The following RMP24 variants were observed in gnomAD, a reference collection of about 807,000 sequenced individuals.
The protein encoded by RMP24 is ribonuclease MRP subunit p24, also known as ribonuclease MRP protein subunit p24.
the RMP24 span, chr18:35,974,798 TA>T: frequency 3.6e-6 from 4 of 1,112,478 alleles, no homozygotes; most frequent in Non-Finnish European, 5.2e-6. Context: ...TGTATCTGCT[TA>T]TATTAAATTT....
At chr18:35,974,919 A>G in the RMP24 span, 1 of 1,613,884 alleles carries the variant, frequency 6.2e-7, no homozygotes, top group South Asian at 1.1e-5. Flanking sequence ...TTTTGAAGAA[A>G]CGTGTCCATA....
At chr18:35,972,765 G>T in the RMP24 span, 16 of 1,613,844 alleles carry the variant, frequency 9.9e-6, no homozygotes, top group African/African-American at 1.3e-5. Flanking sequence ...TGCAGCGCGG[G>T]GACTGCACGA....
chr18:35,976,170 G>A, the RMP24 span, among the ~76,000 whole-genome samples: 71 of 77,004 alleles, frequency 9.2e-4, no homozygotes, highest in Admixed American at 3.5e-3. Context: ...TTTTTTTTGA[G>A]ACGGAGTCTC....
the RMP24 span, chr18:35,978,891 C>G: frequency 6.2e-7 from 1 of 1,613,108 alleles, no homozygotes; most frequent in Non-Finnish European, 8.5e-7. Flanking sequence ...ACCAGCAAAA[C>G]AAAGAAACAC....
the RMP24 span, chr18:35,978,808 A>G: frequency 4.3e-5 from 67 of 1,556,982 alleles, no homozygotes; most frequent in Non-Finnish European, 5.5e-5. Context: ...TGTTGGTATA[A>G]CTAAGTGTGG....
chr18:35,978,072 A>G, the RMP24 span, among the ~76,000 whole-genome samples: 3 of 152,222 alleles, frequency 2.0e-5, no homozygotes, highest in Admixed American at 1.3e-4. Flanking sequence ...CTTTTTCTCC[A>G]TAGTGCTGCT....
the RMP24 span, chr18:35,973,182 T>C: frequency 3.2e-5 from 18 of 570,316 alleles, no homozygotes; most frequent in Non-Finnish European, 4.4e-5. Flanking sequence ...TTATTACTTC[T>C]CGATTTGCTT....
chr18:35,974,522 CAA>C, the RMP24 span, among the ~76,000 whole-genome samples: 1 of 152,158 alleles, frequency 6.6e-6, no homozygotes, highest in African/African-American at 2.4e-5. Flanking sequence ...AAAAAAGAAA[CAA>C]AATCGCAGTG....
At chr18:35,974,916 G>C in the RMP24 span, 1 of 1,613,322 alleles carries the variant, frequency 6.2e-7, no homozygotes, top group South Asian at 1.1e-5. Context: ...CACTTTTGAA[G>C]AAACGTGTCC....
the RMP24 span, chr18:35,979,040 G>A: frequency 2.6e-6 from 4 of 1,524,032 alleles, no homozygotes; most frequent in African/African-American, 1.4e-5. Flanking sequence ...AACTAAAGTT[G>A]GTAAAACAAC....
the RMP24 span, chr18:35,974,972 C>G: frequency 1.2e-6 from 2 of 1,614,120 alleles, no homozygotes. Flanking sequence ...GAGTGCGTCT[C>G]AAACCCAAAG....
chr18:35,978,684 C>A, the RMP24 span: 1 of 634,960 alleles, frequency 1.6e-6, no homozygotes, highest in Non-Finnish European at 2.5e-6. Context: ...TTTTCTCTGT[C>A]AGAAATTCCT....
At chr18:35,975,206 T>G in the RMP24 span, 1 of 850,392 alleles carries the variant, frequency 1.2e-6, no homozygotes, top group Non-Finnish European at 1.8e-6. Context: ...AGTAGTATAT[T>G]TGGATTATCA....
chr18:35,978,963 T>A, the RMP24 span: 2 of 1,611,066 alleles, frequency 1.2e-6, no homozygotes, highest in Non-Finnish European at 8.5e-7. Flanking sequence ...AAGGTGGACT[T>A]CAGAAATTTC....
At chr18:35,975,138 C>A in the RMP24 span, 1 of 1,526,280 alleles carries the variant, frequency 6.6e-7, no homozygotes, top group Non-Finnish European at 8.9e-7. Context: ...CTAGAATTTT[C>A]TTTTCTTTCA....
chr18:35,972,868 C>T, the RMP24 span: 279 of 1,614,174 alleles, frequency 1.7e-4, no homozygotes, highest in Non-Finnish European at 8.0e-5. Context: ...CCTCACAAGT[C>T]TCTTTCTCTT....
At chr18:35,976,811 C>G in the RMP24 span, among the ~76,000 whole-genome samples, 704 of 152,338 alleles carry the variant, frequency 4.6e-3, 5 homozygotes, top group African/African-American at 0.016. Context: ...TATCTCCCAT[C>G]TCTTCCCAAA....
the RMP24 span, chr18:35,978,886 C>G: frequency 3.7e-6 from 6 of 1,612,952 alleles, no homozygotes; most frequent in African/African-American, 6.7e-5. Flanking sequence ...AGAACACCAG[C>G]AAAACAAAGA....
chr18:35,973,946 C>G, the RMP24 span: 4,467 of 152,612 alleles, frequency 0.029, 209 homozygotes, highest in African/African-American at 0.1. Flanking sequence ...CCAGCTCTCT[C>G]CTGGATTAAT....
Sources: gnomAD v4.1 joint callset for allele counts (sites outside exome capture counted in the v4.1 genomes callset) on GRCh38, gnomAD v4.1.1 for gene constraint, MANE v1.5 for transcripts, NCBI Gene and HGNC (gene_info 2026-07-23, HGNC 2026-07-21) for gene names.